Variants in RORB observed in about 807,000 individuals in gnomAD.
The protein encoded by RORB is RAR related orphan receptor B.
A neutral mutation model predicts 59.1 loss-of-function variants in RORB; 6 were observed. The observed-to-expected ratio is 0.10, with a 90% confidence interval of 0.06 to 0.20. The LOEUF (loss-of-function observed/expected upper bound fraction) is 0.20, where lower values mean the gene tolerates loss of function less well. Among genes scored for constraint, RORB ranks in the 10% least tolerant of loss-of-function variants. The pLI, the probability that RORB is intolerant of heterozygous loss-of-function variation, is 1.00. For missense variants in RORB, 320 were observed against 560.5 expected (o/e 0.57, Z 4.33); for synonymous variants, 215 against 204.5 (o/e 1.05, Z -0.44).
At chr9:74,583,999 C>T (rs1822761241) in intron 1 of RORB, among the ~76,000 whole-genome samples, 1 of 151,990 alleles carries the variant, frequency 6.6e-6, no homozygotes, top group African/African-American at 2.4e-5. Context: ...GCAACTTTTT[C>T]TGTGAGATAA....
At chr9:74,533,928 G>A (rs1346491374) in intron 1 of RORB, among the ~76,000 whole-genome samples, 1 of 151,992 alleles carries the variant, frequency 6.6e-6, no homozygotes, top group East Asian at 1.9e-4. Flanking sequence ...ACGCTGTACT[G>A]TTGACTTGTT....
intron 1 of RORB, among the ~76,000 whole-genome samples, chr9:74,510,431 C>G (rs1406308886): frequency 1.3e-5 from 2 of 152,142 alleles, no homozygotes; most frequent in African/African-American, 4.8e-5. Flanking sequence ...TCTGCAGCTG[C>G]TCTTAAGGAA....
chr9:74,661,453 A>G (rs1824178661), intron 5 of RORB, among the ~76,000 whole-genome samples: 1 of 152,126 alleles, frequency 6.6e-6, no homozygotes, highest in African/African-American at 2.4e-5. Context: ...GTACTTTTAT[A>G]TAAATAGGGA....
chr9:74,606,430 T>C (rs563016943), intron 1 of RORB, among the ~76,000 whole-genome samples: 1 of 152,260 alleles, frequency 6.6e-6, no homozygotes, highest in African/African-American at 2.4e-5. Flanking sequence ...CATTTGTTTC[T>C]CATTCTGTTC....
At chr9:74,606,106 T>A (rs1823144988) in intron 1 of RORB, among the ~76,000 whole-genome samples, 1 of 152,120 alleles carries the variant, frequency 6.6e-6, no homozygotes, top group Admixed American at 6.5e-5. Flanking sequence ...CCACCCAGAG[T>A]TGTTGTGATT....
chr9:74,528,800 GT>G (rs1826192793), intron 1 of RORB, among the ~76,000 whole-genome samples: 1 of 151,964 alleles, frequency 6.6e-6, no homozygotes, highest in South Asian at 2.1e-4. Flanking sequence ...AACATTTGTT[GT>G]GTGCCTACTC....
intron 1 of RORB, among the ~76,000 whole-genome samples, chr9:74,511,125 A>G (rs1043466849): frequency 2.6e-5 from 4 of 152,148 alleles, no homozygotes; most frequent in African/African-American, 9.7e-5. Flanking sequence ...TTTACCACAT[A>G]CTTTCATGTA....
At chr9:74,595,180 C>T (rs757316708) in intron 1 of RORB, among the ~76,000 whole-genome samples, 4 of 152,108 alleles carry the variant, frequency 2.6e-5, no homozygotes, top group African/African-American at 4.8e-5. Flanking sequence ...GCCTACAAAC[C>T]GAGACCAATC....
chr9:74,552,323 A>G (rs2118168136), intron 1 of RORB, among the ~76,000 whole-genome samples: 1 of 152,240 alleles, frequency 6.6e-6, no homozygotes, highest in African/African-American at 2.4e-5. Flanking sequence ...CATCTATAAC[A>G]TAATGATTAA....
chr9:74,593,963 A>G (rs779295629), intron 1 of RORB, among the ~76,000 whole-genome samples: 2 of 152,218 alleles, frequency 1.3e-5, no homozygotes, highest in African/African-American at 2.4e-5. Flanking sequence ...CATATTCAGA[A>G]TACTATAATC....
At chr9:74,648,666 T>G (rs1393554111) in intron 4 of RORB, among the ~76,000 whole-genome samples, 1 of 152,168 alleles carries the variant, frequency 6.6e-6, no homozygotes, top group Admixed American at 6.5e-5. Flanking sequence ...TAACAACCAC[T>G]GTCAAATCAG....
In RORB at chr9:74,688,154, A is replaced by T. The variant is rs369034793; in HGVS notation, c.*2536A>T. On this transcript the variant is annotated 3_prime_UTR_variant, in exon 10 of 10. Coordinates refer to ENST00000376896, the MANE Select transcript of RORB (RefSeq NM_006914.4). ...AATTTGTGTTGTTTCCACTAGCGTT[A>T]AGCATTTCACTGGGACGGCATGGAC... 5 of 152,170 alleles carry T rather than the reference A, an allele frequency of 3.3e-5. No individual in the cohort carries two copies. Among genetic ancestry groups the T allele is most frequent in the African/African-American group, 1.2e-4 (5 of 41,428 alleles). The allele number at this position is 152,170 out of a possible 1,614,324, so 9.4% of individuals were successfully genotyped here.
intron 2 of RORB, 128 bp downstream of exon 2, chr9:74,630,495 A>T: frequency 2.6e-3 from 835 of 324,286 alleles, no homozygotes; most frequent in East Asian, 5.4e-3. Flanking sequence ...ACATTCAGGA[A>T]TTCTTGCGTG....
chr9:74,659,099 A>G (rs10781247), intron 4 of RORB, among the ~76,000 whole-genome samples: 15,257 of 152,210 alleles, frequency 0.1, 1,142 homozygotes, highest in East Asian at 0.45. Context: ...AACTATGTAG[A>G]CTGTCCTAAT....
intron 1 of RORB, among the ~76,000 whole-genome samples, chr9:74,615,800 T>A (rs1296877617): frequency 6.6e-6 from 1 of 151,964 alleles, no homozygotes; most frequent in Non-Finnish European, 1.5e-5. Flanking sequence ...ATAAAACAAG[T>A]CACTCAGGCT....
chr9:74,539,868 CA>C (rs11322021), intron 1 of RORB, among the ~76,000 whole-genome samples: 55,228 of 113,526 alleles, frequency 0.49, 11,217 homozygotes, highest in Admixed American at 0.57. Flanking sequence ...CTTAACCTCT[CA>C]AAAAAAAAAA....
chr9:74,672,443 C>T (rs527962996), intron 9 of RORB, among the ~76,000 whole-genome samples: 37 of 152,222 alleles, frequency 2.4e-4, no homozygotes, highest in African/African-American at 7.2e-4. Flanking sequence ...ACTCAGAGTG[C>T]AAGATTAGAC....
rs1825944616 is a variant in RORB at position 74,511,840 on chromosome 9, A to G, written c.7+13857A>G. Among the ~76,000 whole-genome samples the G allele has an allele frequency of 2.0e-5, 3 of 151,302 alleles. No individual in the cohort carries two copies. In the Admixed American group the frequency reaches 2.0e-4, roughly 10 times the overall value. Reference sequence around the variant, plus strand: ...ATCATCCAACATTTATCAAGGATCTATTATGCACCAGACACTATCTTAAGG... The same window carrying G: ...ATCATCCAACATTTATCAAGGATCTGTTATGCACCAGACACTATCTTAAGG... On this transcript the variant is annotated intron_variant, in intron 1 of 9. Coordinates refer to ENST00000376896, the MANE Select transcript of RORB (RefSeq NM_006914.4).
intron 1 of RORB, among the ~76,000 whole-genome samples, chr9:74,564,259 A>T (rs570833392): frequency 5.9e-5 from 9 of 152,320 alleles, no homozygotes; most frequent in Admixed American, 3.3e-4. Context: ...GTCTGCAAAG[A>T]TCATTATCAT....
Sources: gnomAD v4.1 joint callset for allele counts (sites outside exome capture counted in the v4.1 genomes callset) on GRCh38, gnomAD v4.1.1 for gene constraint, MANE v1.5 for transcripts, NCBI Gene and HGNC (gene_info 2026-07-23, HGNC 2026-07-21) for gene names.